Variants in PXDNL observed in about 807,000 individuals in gnomAD.
PXDNL encodes peroxidasin like.
In PXDNL, 145 loss-of-function variants were observed where a neutral mutation model predicts 150.8. The observed-to-expected ratio is 0.96, with a 90% CI of 0.84 to 1.10. PXDNL has a LOEUF of 1.10. Among genes scored for constraint, PXDNL ranks in the 50% least tolerant of loss-of-function variants. The probability of loss-of-function intolerance (pLI) is 0.00; values close to 1 mark genes in which losing one functional copy is unlikely to be tolerated. For synonymous variants in PXDNL, 757 were observed against 725.7 expected, an observed-to-expected ratio of 1.04 and a Z score of -0.69; for missense variants, 2,087 against 1,873.9, an observed-to-expected ratio of 1.11 and a Z score of -2.10.
At chr8:51,697,665 A>AG (rs1267992530) in intron 1 of PXDNL, among the ~76,000 whole-genome samples, 2 of 152,224 alleles carry the variant, frequency 1.3e-5, no homozygotes, top group African/African-American at 2.4e-5. Flanking sequence ...GGGGTGATGC[A>AG]GGTCCCTAGA....
chr8:51,426,642 T>C lies in PXDNL; in HGVS notation c.1638+4A>G, dbSNP rs754162164. On this transcript the variant is annotated splice_donor_region_variant and intron_variant, in intron 13 of 22. Transcript: ENST00000356297. ...TATTACTGTACTTTTAGTTGAGATC[T>C]TACCTTATTCCAAGTAATTATGGGC... 17 of 1,512,942 alleles carry C rather than the reference T, an allele frequency of 1.1e-5. No individual in the cohort carries two copies. The highest frequency in any genetic ancestry group is 2.7e-5 in the African/African-American group (2 of 72,922). 93.7% of individuals were successfully genotyped at this position (1,512,942 alleles called of 1,614,324 possible). A position where few individuals can be genotyped will look rare whatever the true frequency, so the allele number is the denominator to read the frequency against.
chr8:51,492,811 C>G (rs1292180559), intron 5 of PXDNL, among the ~76,000 whole-genome samples: 1 of 152,214 alleles, frequency 6.6e-6, no homozygotes, highest in Non-Finnish European at 1.5e-5. Context: ...GAGCCCACCG[C>G]AGCGTAAGGA....
intron 21 of PXDNL, among the ~76,000 whole-genome samples, chr8:51,323,925 T>A (rs540401468): frequency 0.034 from 2,415 of 71,642 alleles, 37 homozygotes; most frequent in African/African-American, 0.15. Flanking sequence ...TCAAAAAAAA[T>A]AAAATAAAAT....
intron 1 of PXDNL, among the ~76,000 whole-genome samples, chr8:51,693,962 T>TTCAAAG (rs139572631): frequency 6.6e-6 from 1 of 152,348 alleles, no homozygotes; most frequent in East Asian, 1.9e-4. Flanking sequence ...TGATAATATA[T>TTCAAAG]TCAAAGTCAC....
intron 16 of PXDNL, 74 bp from the exon 17 acceptor site, chr8:51,409,635 T>C: frequency 1.5e-6 from 2 of 1,320,602 alleles, no homozygotes; most frequent in Non-Finnish European, 2.0e-6. Context: ...CTCCAGATGC[T>C]GCGGGAACCA....
intron 8 of PXDNL, among the ~76,000 whole-genome samples, chr8:51,468,870 G>A (rs907919653): frequency 6.6e-6 from 1 of 151,784 alleles, no homozygotes; most frequent in Non-Finnish European, 1.5e-5. Context: ...TATTAATATT[G>A]TCTAACGTTC....
chr8:51,762,355 C>T (rs1033012662), intron 1 of PXDNL, among the ~76,000 whole-genome samples: 2 of 152,162 alleles, frequency 1.3e-5, no homozygotes, highest in Non-Finnish European at 2.9e-5. Context: ...GAATCCCCTT[C>T]CCCCTTTGTA....
intron 1 of PXDNL, among the ~76,000 whole-genome samples, chr8:51,738,770 G>A (rs992487726): frequency 6.6e-6 from 1 of 152,122 alleles, no homozygotes; most frequent in Admixed American, 6.6e-5. Flanking sequence ...AAATGAAATA[G>A]TCAGTCCCAG....
chr8:51,732,906 A>G (rs940583524), intron 1 of PXDNL, among the ~76,000 whole-genome samples: 1 of 152,154 alleles, frequency 6.6e-6, no homozygotes, highest in African/African-American at 2.4e-5. Flanking sequence ...GGGAGCTACA[A>G]TTCAAGATGA....
chr8:51,404,941 T>C (rs1235365518), intron 17 of PXDNL, among the ~76,000 whole-genome samples: 2 of 152,142 alleles, frequency 1.3e-5, no homozygotes, highest in East Asian at 1.9e-4. Flanking sequence ...GGCTCGGGCA[T>C]GGTGGGCTGC....
chr8:51,545,393 A>G (rs1401914458), intron 4 of PXDNL, among the ~76,000 whole-genome samples: 1 of 152,246 alleles, frequency 6.6e-6, no homozygotes, highest in Non-Finnish European at 1.5e-5. Context: ...ACAATTTAAA[A>G]TTATTTTTTA....
chr8:51,464,183 G>T (rs961553781), intron 8 of PXDNL, among the ~76,000 whole-genome samples: 1 of 152,098 alleles, frequency 6.6e-6, no homozygotes, highest in African/African-American at 2.4e-5. Context: ...AGGCAATGCA[G>T]CAAGACCCTG....
At chr8:51,786,607 G>A (rs16919843) in intron 1 of PXDNL, among the ~76,000 whole-genome samples, 20,995 of 150,412 alleles carry the variant, frequency 0.14, 2,651 homozygotes, top group African/African-American at 0.33. Flanking sequence ...AAGAGGGCCA[G>A]CAACTGTGAC....
intron 12 of PXDNL, among the ~76,000 whole-genome samples, chr8:51,445,459 G>C (rs970376444): frequency 6.6e-6 from 1 of 152,150 alleles, no homozygotes; most frequent in African/African-American, 2.4e-5. Flanking sequence ...CTCACCTACG[G>C]ATATGTAGTA....
intron 1 of PXDNL, among the ~76,000 whole-genome samples, chr8:51,776,085 G>C: frequency 6.6e-6 from 1 of 152,188 alleles, no homozygotes; most frequent in East Asian, 1.9e-4. Flanking sequence ...GGCTTATTAG[G>C]ACGAAGAAAT....
chr8:51,613,425 G>A (rs4538865), intron 2 of PXDNL, among the ~76,000 whole-genome samples: 45 of 137,696 alleles, frequency 3.3e-4, no homozygotes, highest in Non-Finnish European at 5.8e-4. Context: ...GAAAGTACAC[G>A]TGATCACCCA....
intron 2 of PXDNL, among the ~76,000 whole-genome samples, chr8:51,621,528 T>C (rs1325712692): frequency 6.6e-6 from 1 of 151,628 alleles, no homozygotes. Flanking sequence ...ATTCAGACTT[T>C]GGAGGATATG....
At chr8:51,372,678 C>T (rs1480489130) in intron 18 of PXDNL, among the ~76,000 whole-genome samples, 2 of 152,262 alleles carry the variant, frequency 1.3e-5, no homozygotes, top group African/African-American at 2.4e-5. Context: ...AGCCACCGCA[C>T]CTAGCCCTAT....
chr8:51,333,012 G>T (rs1238378891), intron 21 of PXDNL, among the ~76,000 whole-genome samples: 1 of 152,140 alleles, frequency 6.6e-6, no homozygotes, highest in African/African-American at 2.4e-5. Flanking sequence ...ATTGCAAAAA[G>T]ATCTTCACCT....
Sources: allele counts gnomAD v4.1 joint callset (sites outside exome capture counted in the v4.1 genomes callset), GRCh38; gene constraint gnomAD v4.1.1; transcripts MANE v1.5; gene names NCBI Gene and HGNC (gene_info 2026-07-23, HGNC 2026-07-21).